KYAT3: variants seen among roughly 807,000 people sequenced by gnomAD.
KYAT3 encodes kynurenine--oxoglutarate transaminase 3.
In KYAT3, 50 loss-of-function variants were observed where a neutral mutation model predicts 59.0. The observed-to-expected ratio is 0.85, with a 90% confidence interval of 0.68 to 1.07. The LOEUF is 1.07. Ranked by LOEUF, KYAT3 falls within the 50% of genes least tolerant of loss-of-function variation. KYAT3 has a pLI of 0.00. For missense variants in KYAT3, 497 were observed against 533.3 expected, an observed-to-expected ratio of 0.93 and a Z score of 0.67; for synonymous variants, 148 against 177.0, an observed-to-expected ratio of 0.84 and a Z score of 1.30.
At chr1:88,985,052 T>A (rs1174636627) in intron 2 of KYAT3, among the ~76,000 whole-genome samples, 2 of 152,244 alleles carry the variant, frequency 1.3e-5, no homozygotes, top group African/African-American at 4.8e-5. Context: ...TAACAATTAC[T>A]TCAGAGAAAC....
chr1:88,982,836 G>T (rs1329023089), intron 2 of KYAT3: 2 of 1,613,812 alleles, frequency 1.2e-6, no homozygotes, highest in African/African-American at 2.7e-5. Context: ...AGATCACTTC[G>T]GCTGCTTGAG....
At chr1:88,963,929 GT>G (rs1676240888) in intron 5 of KYAT3, among the ~76,000 whole-genome samples, 1 of 152,202 alleles carries the variant, frequency 6.6e-6, no homozygotes, top group South Asian at 2.1e-4. Flanking sequence ...TCAGCTGGGC[GT>G]GGTGGCTCAC....
At chr1:88,933,894 C>T (rs1487804210), downstream of KYAT3, among the ~76,000 whole-genome samples, 1 of 152,148 alleles carries the variant, frequency 6.6e-6, no homozygotes, top group Non-Finnish European at 1.5e-5. Flanking sequence ...CCAAGTCCTC[C>T]TTACTCTACT....
intron 5 of KYAT3, 164 bp downstream of exon 5, chr1:88,964,665 T>C (rs1470649075): frequency 3.2e-6 from 2 of 632,860 alleles, no homozygotes; most frequent in Non-Finnish European, 5.7e-6. Flanking sequence ...CAGTAATTTA[T>C]CCAGCTGTAC....
At chr1:88,931,537 C>A (rs1223009901), downstream of KYAT3, among the ~76,000 whole-genome samples, 1 of 152,060 alleles carries the variant, frequency 6.6e-6, no homozygotes, top group Admixed American at 6.6e-5. Context: ...CCAACCTCCC[C>A]AACAGCACTT....
chr1:88,973,892 T>C (rs555080001), intron 2 of KYAT3, among the ~76,000 whole-genome samples: 22 of 152,186 alleles, frequency 1.4e-4, no homozygotes, highest in African/African-American at 5.3e-4. Context: ...CTGAGGCAGG[T>C]GAGATGGGAC....
intron 2 of KYAT3, among the ~76,000 whole-genome samples, chr1:88,987,025 A>C (rs752909423): frequency 2.6e-5 from 4 of 152,238 alleles, no homozygotes; most frequent in Non-Finnish European, 5.9e-5. Context: ...TTCCACTGCT[A>C]GGTATGGAGA....
At chr1:88,968,516 G>A (rs1304055635) in intron 4 of KYAT3, among the ~76,000 whole-genome samples, 154 bp downstream of exon 4, 1 of 152,100 alleles carries the variant, frequency 6.6e-6, no homozygotes, top group Non-Finnish European at 1.5e-5. Context: ...CAGGACATAG[G>A]GCAAGGGCAG....
intron 2 of KYAT3, among the ~76,000 whole-genome samples, chr1:88,974,472 T>C (rs926312066): frequency 1.8e-5 from 1 of 54,220 alleles, no homozygotes; most frequent in African/African-American, 4.8e-5. Flanking sequence ...TCTCTCTCTT[T>C]TTTTTTTTTT....
chr1:88,990,658 C>G (rs1394035018), intron 1 of KYAT3, among the ~76,000 whole-genome samples: 1 of 152,206 alleles, frequency 6.6e-6, no homozygotes, highest in East Asian at 1.9e-4. Flanking sequence ...GGCTCTCTTT[C>G]CATCTCACTT....
intron 2 of KYAT3, among the ~76,000 whole-genome samples, chr1:88,972,969 A>G (rs1676612177): frequency 6.6e-6 from 1 of 152,130 alleles, no homozygotes; most frequent in African/African-American, 2.4e-5. Context: ...GTTCCTCCGG[A>G]TGTAATCTTA....
intron 13 of KYAT3, among the ~76,000 whole-genome samples, chr1:88,942,216 T>A (rs929492249): frequency 1.3e-5 from 2 of 152,134 alleles, no homozygotes; most frequent in Non-Finnish European, 2.9e-5. Context: ...ACCATAAGTA[T>A]TTCATAGCAG....
intron 11 of KYAT3, 30 bp downstream of exon 11, chr1:88,949,061 A>G (rs377697498): frequency 1.3e-5 from 19 of 1,465,084 alleles, no homozygotes; most frequent in Middle Eastern, 3.6e-4. Context: ...AAGTTTCCGT[A>G]TAGTTGAAAT....
intron 5 of KYAT3, among the ~76,000 whole-genome samples, chr1:88,964,284 A>C (rs1676256363): frequency 6.6e-6 from 1 of 152,208 alleles, no homozygotes; most frequent in Admixed American, 6.5e-5. Flanking sequence ...TTGATCAAAA[A>C]CTTGTAGACC....
chr1:88,937,995 C>T lies in KYAT3; in HGVS notation c.1303-1750G>A, dbSNP rs111475780. ...TATTATAAAAAGGACATTATTGGGACAATGAATGACATTTAAATCAGATCT... is the reference window on the plus strand; with the variant it reads ...TATTATAAAAAGGACATTATTGGGATAATGAATGACATTTAAATCAGATCT... On this transcript the variant is annotated intron_variant, in intron 13 of 13. Coordinates refer to ENST00000260508, the MANE Select transcript of KYAT3 (RefSeq NM_001008661.3). Among the ~76,000 whole-genome samples, 308 of 152,154 alleles carry T rather than the reference C, an allele frequency of 2.0e-3. 2 individuals carry two copies. The highest frequency in any genetic ancestry group is 3.3e-3 in the Non-Finnish European group (222 of 67,998).
intron 4 of KYAT3, among the ~76,000 whole-genome samples, chr1:88,966,795 T>C (rs1298491092): frequency 6.6e-6 from 1 of 152,150 alleles, no homozygotes; most frequent in Non-Finnish European, 1.5e-5. Flanking sequence ...TACTATATTA[T>C]GTGCACTACA....
intron 1 of KYAT3, among the ~76,000 whole-genome samples, 159 bp from the exon 2 acceptor site, chr1:88,988,510 TATA>T (rs1318309603): frequency 2.6e-5 from 4 of 152,234 alleles, no homozygotes; most frequent in African/African-American, 4.8e-5. Flanking sequence ...CTTTCTATGA[TATA>T]ATCTCTCATC....
At chr1:88,992,915 G>C (rs2101114422), upstream of KYAT3, 1 of 152,428 alleles carries the variant, frequency 6.6e-6, no homozygotes, top group African/African-American at 2.4e-5. Flanking sequence ...GGTCCGCCGC[G>C]ATCGCGGAAT....
chr1:88,937,361 T>C (rs1675080080), intron 13 of KYAT3, among the ~76,000 whole-genome samples: 1 of 152,004 alleles, frequency 6.6e-6, no homozygotes, highest in Non-Finnish European at 1.5e-5. Context: ...ACTGGGAAGG[T>C]GAGGGATGCA....
Sources: gnomAD v4.1 joint callset for allele counts (sites outside exome capture counted in the v4.1 genomes callset) on GRCh38, gnomAD v4.1.1 for gene constraint, MANE v1.5 for transcripts, NCBI Gene and HGNC (gene_info 2026-07-23, HGNC 2026-07-21) for gene names.